The following DTNA variants were observed in gnomAD, a reference collection of about 807,000 sequenced individuals.
The protein encoded by DTNA is dystrobrevin alpha.
Under a neutral mutation model 100.7 loss-of-function variants are expected in DTNA, and 43 were observed. The observed-to-expected ratio is 0.43, with a 90% CI of 0.33 to 0.55. The LOEUF is 0.55. Ranked by LOEUF, DTNA falls within the 20% of genes least tolerant of loss-of-function variation. The pLI, the probability that DTNA is intolerant of heterozygous loss-of-function variation, is 0.04. For missense variants in DTNA, 798 were observed against 953.9 expected, an observed-to-expected ratio of 0.84 and a Z score of 2.15; for synonymous variants, 349 against 347.9, an observed-to-expected ratio of 1.00 and a Z score of -0.04.
At chr18:34,815,576 C>A in intron 6 of DTNA, 1 of 269,070 alleles carries the variant, frequency 3.7e-6, no homozygotes, top group South Asian at 4.0e-5. Context: ...AGTAAAATTC[C>A]ATGGAGAATT....
intron 1 of DTNA, among the ~76,000 whole-genome samples, chr18:34,582,836 T>C (rs1387552366): frequency 6.6e-6 from 1 of 152,184 alleles, no homozygotes; most frequent in African/African-American, 2.4e-5. Flanking sequence ...GTATGTAAAA[T>C]GATTCAAGAG....
chr18:34,849,298 C>T (rs1388954541), intron 14 of DTNA, among the ~76,000 whole-genome samples: 1 of 152,174 alleles, frequency 6.6e-6, no homozygotes, highest in East Asian at 1.9e-4. Context: ...AGCAACCACT[C>T]CAGGAGTCAC....
intron 1 of DTNA, among the ~76,000 whole-genome samples, chr18:34,661,567 G>A (rs2075189806): frequency 6.6e-6 from 1 of 152,142 alleles, no homozygotes; most frequent in Admixed American, 6.6e-5. Flanking sequence ...ACACATAACA[G>A]CCAGAGTCTG....
At chr18:34,881,191 C>A (rs1420016320) in intron 20 of DTNA, among the ~76,000 whole-genome samples, 2 of 152,166 alleles carry the variant, frequency 1.3e-5, no homozygotes, top group African/African-American at 4.8e-5. Flanking sequence ...TAAGTTCCAA[C>A]CTAGAAACTT....
chr18:34,817,844 G>A, intron 7 of DTNA: 2 of 855,864 alleles, frequency 2.3e-6, no homozygotes, highest in African/African-American at 1.8e-5. Context: ...GCAGTTTGGG[G>A]TAAAGGCAAG....
At chr18:34,866,855 G>T in intron 17 of DTNA, 1 of 1,035,344 alleles carries the variant, frequency 9.7e-7, no homozygotes, top group Non-Finnish European at 1.2e-6. Flanking sequence ...GGCTCCGGGA[G>T]ACGAGAGGGT....
intron 1 of DTNA, among the ~76,000 whole-genome samples, chr18:34,539,038 T>C (rs1039117212): frequency 6.6e-6 from 1 of 151,906 alleles, no homozygotes; most frequent in African/African-American, 2.4e-5. Flanking sequence ...TGACCAATAA[T>C]GAAAATATGT....
intron 1 of DTNA, among the ~76,000 whole-genome samples, chr18:34,677,054 A>T (rs1842469393): frequency 6.6e-6 from 1 of 152,186 alleles, no homozygotes; most frequent in Non-Finnish European, 1.5e-5. Flanking sequence ...GTTGCCATGC[A>T]GGATAGAAGC....
At chr18:34,508,680 TTA>T (rs2040735717) in intron 1 of DTNA, among the ~76,000 whole-genome samples, 1 of 152,180 alleles carries the variant, frequency 6.6e-6, no homozygotes, top group Non-Finnish European at 1.5e-5. Context: ...GGACAGTATT[TTA>T]TATAATTTTA....
At chr18:34,692,171 T>C (rs999722453) in intron 1 of DTNA, among the ~76,000 whole-genome samples, 2 of 152,202 alleles carry the variant, frequency 1.3e-5, no homozygotes, top group African/African-American at 2.4e-5. Context: ...GGGAGGGTCA[T>C]ATTTTGAGAT....
chr18:34,605,534 A>T (rs1218874708), intron 1 of DTNA, among the ~76,000 whole-genome samples: 1 of 152,074 alleles, frequency 6.6e-6, no homozygotes, highest in Non-Finnish European at 1.5e-5. Context: ...ACAAGGGATG[A>T]AGCAAATGAA....
chr18:34,719,651 T>C (rs1817981555), intron 1 of DTNA, among the ~76,000 whole-genome samples: 2 of 152,210 alleles, frequency 1.3e-5, no homozygotes, highest in African/African-American at 4.8e-5. Context: ...GCAATTATCA[T>C]TATGTAATAA....
chr18:34,887,824 C>G lies in DTNA; in HGVS notation c.*90C>G, dbSNP rs1248935358. ...ATGAAAACTGGTGATGATGGAGAGCCCTGTGGCCACACAGAGGAGGAAGAC... is the reference window on the plus strand; with the variant it reads ...ATGAAAACTGGTGATGATGGAGAGCGCTGTGGCCACACAGAGGAGGAAGAC... On this transcript the variant is annotated 3_prime_UTR_variant, in exon 23 of 23. Coordinates refer to ENST00000444659, the MANE Select transcript of DTNA (RefSeq NM_001386795.1). The G allele has an allele frequency of 1.0e-6, 1 of 985,814 alleles. No homozygotes were observed. Among genetic ancestry groups the G allele is most frequent in the Admixed American group, 6.1e-5 (1 of 16,270 alleles). The allele number at this position is 985,814 out of a possible 1,614,324, so 61.1% of individuals were successfully genotyped here.
intron 1 of DTNA, among the ~76,000 whole-genome samples, chr18:34,744,564 G>A (rs1017008626): frequency 1.3e-5 from 2 of 152,146 alleles, no homozygotes; most frequent in African/African-American, 4.8e-5. Context: ...TTAAGGAAAG[G>A]AAAACAAAGA....
At chr18:34,626,740 G>A (rs1279159967) in intron 1 of DTNA, among the ~76,000 whole-genome samples, 1 of 152,124 alleles carries the variant, frequency 6.6e-6, no homozygotes, top group Non-Finnish European at 1.5e-5. Flanking sequence ...AAGGCTTTAG[G>A]GTCTGCTCCA....
At chr18:34,723,107 G>T (rs970810161) in intron 1 of DTNA, among the ~76,000 whole-genome samples, 6 of 152,028 alleles carry the variant, frequency 3.9e-5, no homozygotes, top group African/African-American at 1.4e-4. Context: ...AGAATTAAAA[G>T]TTCACCATGG....
At chr18:34,807,177 T>A (rs2095383140) in intron 5 of DTNA, among the ~76,000 whole-genome samples, 1 of 152,220 alleles carries the variant, frequency 6.6e-6, no homozygotes, top group Non-Finnish European at 1.5e-5. Flanking sequence ...AAAATGATGT[T>A]GATGCCGCTG....
At chr18:34,652,081 A>AAAAG (rs34274388) in intron 1 of DTNA, among the ~76,000 whole-genome samples, 16,599 of 150,206 alleles carry the variant, frequency 0.11, 1,323 homozygotes, top group African/African-American at 0.23. Flanking sequence ...AAAGAAAAGA[A>AAAAG]AAAAGGAAGG....
intron 1 of DTNA, among the ~76,000 whole-genome samples, chr18:34,686,228 G>A (rs1316061462): frequency 6.6e-6 from 1 of 152,146 alleles, no homozygotes; most frequent in East Asian, 1.9e-4. Context: ...GTTTTCAAAG[G>A]GAATGCTTCT....
Sources: gnomAD v4.1 joint callset for allele counts (sites outside exome capture counted in the v4.1 genomes callset) on GRCh38, gnomAD v4.1.1 for gene constraint, MANE v1.5 for transcripts, NCBI Gene and HGNC (gene_info 2026-07-23, HGNC 2026-07-21) for gene names.